CDC42BPB: variants seen among roughly 807,000 people sequenced by gnomAD.
CDC42BPB encodes CDC42 binding protein kinase beta.
CDC42BPB carries 37 observed loss-of-function variants against 214.9 expected under a neutral mutation model. That is an observed-to-expected ratio of 0.17 (90% CI 0.13 to 0.23). The LOEUF is 0.23. Ranked by LOEUF, CDC42BPB falls within the 10% of genes least tolerant of loss-of-function variation. The pLI, the probability that CDC42BPB is intolerant of heterozygous loss-of-function variation, is 1.00. For synonymous variants in CDC42BPB, 931 were observed against 884.0 expected, an observed-to-expected ratio of 1.05 and a Z score of -0.94; for missense variants, 1,694 against 2,227.0, an observed-to-expected ratio of 0.76 and a Z score of 4.82.
intron 20 of CDC42BPB, among the ~76,000 whole-genome samples, chr14:102,962,153 G>A (rs1470923807): frequency 6.6e-6 from 1 of 152,190 alleles, no homozygotes; most frequent in African/African-American, 2.4e-5. Flanking sequence ...CCAAAAGTCT[G>A]AAATCCTACT....
At chr14:102,953,360 G>A (rs1040672130) in intron 23 of CDC42BPB, among the ~76,000 whole-genome samples, 32 of 152,364 alleles carry the variant, frequency 2.1e-4, no homozygotes, top group Middle Eastern at 6.8e-3. Flanking sequence ...TGACACACCA[G>A]CACTCTGCAG....
At chr14:103,044,903 T>C (rs1014307294) in intron 1 of CDC42BPB, among the ~76,000 whole-genome samples, 6 of 151,642 alleles carry the variant, frequency 4.0e-5, no homozygotes, top group Non-Finnish European at 8.8e-5. Flanking sequence ...GTATTTCAAA[T>C]TGAAGTATAA....
At chr14:103,006,620 C>T (rs536263314) in intron 3 of CDC42BPB, among the ~76,000 whole-genome samples, 1 of 152,232 alleles carries the variant, frequency 6.6e-6, no homozygotes, top group Admixed American at 6.5e-5. Flanking sequence ...TTAATTCATG[C>T]TTTTAAGAAA....
chr14:102,954,192 CCCTA>C lies in CDC42BPB; in HGVS notation c.3066+2_3066+5del. On this transcript the variant is annotated splice_donor_variant and splice_donor_5th_base_variant and intron_variant, in intron 23 of 36. Transcript: ENST00000361246. LOFTEE classifies it high-confidence loss of function. ...AAGGCGCCCCGGGTGAAAGCAAGGC[CCCTA>C]CCTTCGGTCCAGCCAGAGCCAGGGC... 1 of 1,543,338 alleles carries C rather than the reference CCCTA, an allele frequency of 6.5e-7. No individual in the cohort carries two copies. The highest frequency in any genetic ancestry group is 8.8e-7 in the Non-Finnish European group (1 of 1,140,720).
intron 1 of CDC42BPB, among the ~76,000 whole-genome samples, chr14:103,015,111 G>A (rs986143966): frequency 4.6e-5 from 7 of 152,310 alleles, no homozygotes; most frequent in Middle Eastern, 3.4e-3. Context: ...CTGGAAGTGG[G>A]AGGAACTTCG....
chr14:102,954,440 G>C lies in CDC42BPB; in HGVS notation c.2988+162C>G, dbSNP rs897878835. On this transcript the variant is annotated intron_variant, in intron 22 of 36. Transcript: ENST00000361246. ...CTGCGGAAGCCTCCCTCATCTAGGGGAGGGACTGACAGTTAATTCTCAAAA... is the reference window on the plus strand; with the variant it reads ...CTGCGGAAGCCTCCCTCATCTAGGGCAGGGACTGACAGTTAATTCTCAAAA... 4 of 977,638 alleles carry C rather than the reference G, an allele frequency of 4.1e-6. No homozygotes were observed. The African/African-American group carries it at 7.0e-5, about 17-fold the overall frequency. 60.6% of individuals were successfully genotyped at this position (977,638 alleles called of 1,614,324 possible). A position where few individuals can be genotyped will look rare whatever the true frequency, so the allele number is the denominator to read the frequency against.
At chr14:102,934,265 T>G (rs992014968) in intron 36 of CDC42BPB, 1 of 161,904 alleles carries the variant, frequency 6.2e-6, no homozygotes, top group Non-Finnish European at 1.3e-5. Context: ...CCGGGCGTGG[T>G]GGCTTACGCC....
intron 1 of CDC42BPB, among the ~76,000 whole-genome samples, chr14:103,036,627 C>T (rs867988232): frequency 3.3e-5 from 5 of 152,126 alleles, no homozygotes; most frequent in Non-Finnish European, 5.9e-5. Flanking sequence ...AAAATGAATA[C>T]GATAGGCTCA....
intron 24 of CDC42BPB, among the ~76,000 whole-genome samples, chr14:102,951,305 G>A (rs1229139053): frequency 1.3e-5 from 2 of 152,268 alleles, no homozygotes; most frequent in East Asian, 3.9e-4. Flanking sequence ...TAGAATGAAG[G>A]GCATCTCTGT....
intron 1 of CDC42BPB, among the ~76,000 whole-genome samples, chr14:103,053,612 AT>A (rs1372708080): frequency 4.7e-5 from 7 of 150,318 alleles, no homozygotes; most frequent in Non-Finnish European, 1.0e-4. Flanking sequence ...ATACAAAAAA[AT>A]TAGCCAGGCG....
intron 5 of CDC42BPB, among the ~76,000 whole-genome samples, chr14:102,991,378 C>T (rs1894481104): frequency 6.6e-6 from 1 of 152,226 alleles, no homozygotes; most frequent in Non-Finnish European, 1.5e-5. Flanking sequence ...GTTCTTCCAA[C>T]ATGCCAATGT....
In CDC42BPB at chr14:103,032,932, T is replaced by A. The variant is rs538524437; in HGVS notation, c.176-20744A>T. Among the ~76,000 whole-genome samples, 1,378 of 150,722 alleles carry A rather than the reference T, an allele frequency of 9.1e-3. 22 individuals carry two copies. The highest frequency in any genetic ancestry group is 0.031 in the African/African-American group (1,275 of 41,152). ...GTGCCCGGCCACAAATCCACTTTTT[T>A]TAAAAAAAAAAAAAAAGGAAATTTA... is the stretch of plus-strand genomic sequence containing the variant. On this transcript the variant is annotated intron_variant, in intron 1 of 36. Coordinates refer to ENST00000361246, the MANE Select transcript of CDC42BPB (RefSeq NM_006035.4).
intron 9 of CDC42BPB, among the ~76,000 whole-genome samples, chr14:102,976,527 C>G (rs1893753446): frequency 6.6e-6 from 1 of 152,244 alleles, no homozygotes; most frequent in Non-Finnish European, 1.5e-5. Context: ...ACACTAAGCC[C>G]CTTACCAAGG....
chr14:103,051,730 A>G (rs1293819768), intron 1 of CDC42BPB, among the ~76,000 whole-genome samples: 3 of 152,278 alleles, frequency 2.0e-5, no homozygotes, highest in Non-Finnish European at 2.9e-5. Flanking sequence ...TAGCTCACAC[A>G]GTGGTATCCT....
Position 103,004,130 on chromosome 14 carries a change from C to A in CDC42BPB, c.352-107G>T, listed in dbSNP as rs1895124449. The A allele has an allele frequency of 7.1e-7, 1 of 1,416,472 alleles. No individual in the cohort carries two copies. The highest frequency in any genetic ancestry group is 1.4e-5 in the African/African-American group (1 of 69,854). The allele number at this position is 1,416,472 out of a possible 1,614,324, so 87.7% of individuals were successfully genotyped here. On this transcript the variant is annotated intron_variant, in intron 3 of 36. Coordinates refer to ENST00000361246, the MANE Select transcript of CDC42BPB (RefSeq NM_006035.4). The surrounding 1 kb of genome is among the most constrained non-coding windows in gnomAD (Gnocchi z 5.3). ...GGGACAGTGGCTCCAGCCACGGTGT[C>A]CCTGCCTTCCGGGCTCCTCCTCGTG...
At chr14:103,042,704 C>T (rs756988768) in intron 1 of CDC42BPB, among the ~76,000 whole-genome samples, 5 of 152,112 alleles carry the variant, frequency 3.3e-5, no homozygotes, top group Non-Finnish European at 7.4e-5. Context: ...AAAAGATGTT[C>T]AACAACATCC....
intron 4 of CDC42BPB, 23 bp downstream of exon 4, chr14:103,003,905 G>A (rs1479469440): frequency 6.3e-6 from 10 of 1,582,580 alleles, no homozygotes; most frequent in Admixed American, 3.4e-5. Flanking sequence ...TGCCCTGACC[G>A]AGTCTCTGGC....
chr14:103,034,546 G>T (rs1286373892), intron 1 of CDC42BPB, among the ~76,000 whole-genome samples: 1 of 152,214 alleles, frequency 6.6e-6, no homozygotes, highest in African/African-American at 2.4e-5. Context: ...GGGTGTGGTG[G>T]CTCATGCCTG....
Position 102,938,301 on chromosome 14 carries a change from T to C in CDC42BPB, c.4933+5A>G. ...AGGGCTGCGGGGGCCAGGCTTCCCC[T>C]GTACCTGATGAGGGCCACGAGATGT... On this transcript the variant is annotated splice_donor_5th_base_variant and intron_variant, in intron 35 of 36. Coordinates refer to ENST00000361246, the MANE Select transcript of CDC42BPB (RefSeq NM_006035.4). The C allele has an allele frequency of 6.2e-7, 1 of 1,607,742 alleles. No individual in the cohort carries two copies. Among genetic ancestry groups the C allele is most frequent in the Non-Finnish European group, 8.5e-7 (1 of 1,177,368 alleles).
Sources: allele counts gnomAD v4.1 joint callset (sites outside exome capture counted in the v4.1 genomes callset), GRCh38; gene constraint gnomAD v4.1.1; non-coding constraint Gnocchi (gnomAD v3.1); transcripts MANE v1.5; gene names NCBI Gene and HGNC (gene_info 2026-07-23, HGNC 2026-07-21).